Variants in PCDH7 observed in about 807,000 individuals in gnomAD.
PCDH7 encodes protocadherin 7, also known as protocadherin-7.
Under a neutral mutation model 58.9 loss-of-function variants are expected in PCDH7, and 17 were observed. That is an observed-to-expected ratio of 0.29 (90% confidence interval 0.20 to 0.43). PCDH7 has a LOEUF of 0.43. Ranked by LOEUF, PCDH7 falls within the 20% of genes least tolerant of loss-of-function variation. The pLI, the probability that PCDH7 is intolerant of heterozygous loss-of-function variation, is 1.00. For missense variants in PCDH7, 1,274 were observed against 1,441.0 expected, an observed-to-expected ratio of 0.88 and a Z score of 1.88; for synonymous variants, 664 against 616.4, an observed-to-expected ratio of 1.08 and a Z score of -1.14.
At chr4:30,843,887 G>C (rs1355743601) in intron 1 of PCDH7, among the ~76,000 whole-genome samples, 1 of 151,698 alleles carries the variant, frequency 6.6e-6, no homozygotes, top group Non-Finnish European at 1.5e-5. Context: ...TACATCCACA[G>C]TGATGATTTC....
intron 1 of PCDH7, among the ~76,000 whole-genome samples, chr4:30,850,907 C>T (rs1278154648): frequency 6.6e-6 from 1 of 152,112 alleles, no homozygotes; most frequent in Non-Finnish European, 1.5e-5. Context: ...TGGCTCCCTG[C>T]ATTTTCCTCA....
At chr4:31,099,985 A>T (rs370387468) in intron 3 of PCDH7, among the ~76,000 whole-genome samples, 184 of 141,546 alleles carry the variant, frequency 1.3e-3, no homozygotes, top group African/African-American at 4.3e-3. Flanking sequence ...GAAGGAAAGA[A>T]GGAGGAAGGG....
rs182859986 is a variant in PCDH7, at chr4:31,027,054, T to A, written c.*7+76839T>A. On this transcript the variant is annotated intron_variant, in intron 3 of 3. Coordinates refer to the PCDH7 transcript ENST00000509759. Reference sequence around the variant, plus strand: ...CAATTATAACACTAGAATCCTCTGCTGAAGTCCCACAAACTTTCGTTCATG... The same window carrying A: ...CAATTATAACACTAGAATCCTCTGCAGAAGTCCCACAAACTTTCGTTCATG... Among the ~76,000 whole-genome samples, 298 of 152,324 alleles carry A rather than the reference T, an allele frequency of 2.0e-3. 3 individuals carry two copies. The highest frequency in any genetic ancestry group is 3.4e-3 in the Non-Finnish European group (233 of 68,032).
At chr4:30,990,531 GTTTTCTTTTATATAT>G (rs1178633357) in intron 3 of PCDH7, among the ~76,000 whole-genome samples, 7 of 152,076 alleles carry the variant, frequency 4.6e-5, no homozygotes, top group Non-Finnish European at 8.8e-5. Flanking sequence ...GTTTACAGAT[GTTTTCTTTTATATAT>G]GGTACAATGT....
chr4:30,835,791 G>T lies in PCDH7; in HGVS notation c.71-84362G>T. ...CCAGAGATGATGTAATTACTAAATG[G>T]ATCCATAAATATGAATGCATGCTGA... On this transcript the variant is annotated intron_variant, in intron 1 of 3. Coordinates refer to the PCDH7 transcript ENST00000509759. Among the ~76,000 whole-genome samples, 2 of 152,114 alleles carry T rather than the reference G, an allele frequency of 1.3e-5. 1 individual carries two copies. Among genetic ancestry groups the T allele is most frequent in the East Asian group, 3.9e-4 (2 of 5,178 alleles).
At chr4:30,837,886 T>TATTA (rs1335635757) in intron 1 of PCDH7, among the ~76,000 whole-genome samples, 1 of 116,000 alleles carries the variant, frequency 8.6e-6, no homozygotes, top group African/African-American at 3.9e-5. Context: ...AATATATATT[T>TATTA]ATTATGTATA....
chr4:30,937,337 CTAGA>C (rs1745481296), intron 2 of PCDH7, among the ~76,000 whole-genome samples: 2 of 151,966 alleles, frequency 1.3e-5, no homozygotes, highest in South Asian at 4.1e-4. Context: ...TTCAAAACTG[CTAGA>C]TAATCCATTT....
rs549551849 is a variant in PCDH7, at chr4:30,722,892, G to A, written c.1470G>A (p.Ser490=). 3.7e-6 allele frequency: 6 copies of A among 1,613,786 alleles called. No homozygotes were observed. The East Asian group carries it at 1.3e-4, about 36-fold the overall frequency. The change falls in exon 1 of 2, where the codon TCG becomes TCA. Residue 490 remains serine (S), a synonymous_variant. Transcript: ENST00000361762. The surrounding 1 kb of genome is among the most constrained non-coding windows in gnomAD (Gnocchi z 7.6). Reference sequence around the variant, plus strand: ...AGAAAAAGTACTTCTTGCACACCTCGACCCCTCTGGACTATGAGGCCACCC... The same window carrying A: ...AGAAAAAGTACTTCTTGCACACCTCAACCCCTCTGGACTATGAGGCCACCC...
chr4:30,930,614 C>T (rs376816268), intron 2 of PCDH7, among the ~76,000 whole-genome samples: 3 of 151,972 alleles, frequency 2.0e-5, no homozygotes, highest in African/African-American at 4.8e-5. Flanking sequence ...TAAGTTTCAG[C>T]GAATGTGACT....
chr4:30,740,355 C>A (rs1381244602), intron 1 of PCDH7, among the ~76,000 whole-genome samples: 1 of 152,104 alleles, frequency 6.6e-6, no homozygotes, highest in Non-Finnish European at 1.5e-5. Context: ...AATAGTTTCA[C>A]CTTAAATCTT....
chr4:31,041,708 C>G (rs976056299), intron 3 of PCDH7, among the ~76,000 whole-genome samples: 4 of 152,100 alleles, frequency 2.6e-5, no homozygotes, highest in Non-Finnish European at 2.9e-5. Flanking sequence ...CTCAAACAGG[C>G]TGTTGCAATT....
chr4:30,948,468 G>T (rs568240804), intron 2 of PCDH7, among the ~76,000 whole-genome samples: 1 of 151,872 alleles, frequency 6.6e-6, no homozygotes, highest in African/African-American at 2.4e-5. Context: ...CAAAAAATTA[G>T]GTTTAATTTT....
chr4:30,746,827 A>T (rs1445538319), intron 1 of PCDH7, among the ~76,000 whole-genome samples: 1 of 151,948 alleles, frequency 6.6e-6, no homozygotes, highest in Non-Finnish European at 1.5e-5. Flanking sequence ...CAATCATTTC[A>T]CTTCTTTTAT....
chr4:30,728,629 T>C (rs1255929154), intron 1 of PCDH7, among the ~76,000 whole-genome samples: 1 of 151,800 alleles, frequency 6.6e-6, no homozygotes, highest in African/African-American at 2.4e-5. Context: ...TGATCCGCAA[T>C]GAATTTGCAA....
downstream of PCDH7, chr4:31,143,198 A>G (rs1446791520): frequency 5.6e-6 from 1 of 177,458 alleles, no homozygotes; most frequent in African/African-American, 2.4e-5. Context: ...CCTGATTAGC[A>G]GAACACAACA....
intron 1 of PCDH7, among the ~76,000 whole-genome samples, chr4:30,750,770 T>A (rs1718408752): frequency 6.6e-6 from 1 of 152,128 alleles, no homozygotes; most frequent in Non-Finnish European, 1.5e-5. Context: ...TGGTTATGAA[T>A]GGTGCCCACC....
At chr4:31,001,734 G>T (rs576640681) in intron 3 of PCDH7, among the ~76,000 whole-genome samples, 166 of 152,284 alleles carry the variant, frequency 1.1e-3, no homozygotes, top group African/African-American at 3.7e-3. Flanking sequence ...TTATGTAGAA[G>T]CTGTTTGGAA....
In PCDH7 at chr4:31,035,718, G is replaced by T. The variant is rs192149199; in HGVS notation, c.*7+85503G>T. On this transcript the variant is annotated intron_variant, in intron 3 of 3. Transcript: ENST00000509759. Reference sequence around the variant, plus strand: ...ACCATGTAATTAAGCTACAACTGATGACAAGTATCTGACATCAGATAATCA... The same window carrying T: ...ACCATGTAATTAAGCTACAACTGATTACAAGTATCTGACATCAGATAATCA... Among the ~76,000 whole-genome samples the T allele has an allele frequency of 6.6e-5, 10 of 152,296 alleles. No homozygotes were observed. In the East Asian group the frequency reaches 1.9e-3, roughly 29 times the overall value.
At chr4:30,893,219 C>CAATA (rs1157267845) in intron 1 of PCDH7, among the ~76,000 whole-genome samples, 1 of 152,000 alleles carries the variant, frequency 6.6e-6, no homozygotes, top group Non-Finnish European at 1.5e-5. Flanking sequence ...AATAAGCAGA[C>CAATA]AATATATTTC....
Sources: allele counts gnomAD v4.1 joint callset (sites outside exome capture counted in the v4.1 genomes callset), GRCh38; gene constraint gnomAD v4.1.1; non-coding constraint Gnocchi (gnomAD v3.1); transcripts MANE v1.5; gene names NCBI Gene and HGNC (gene_info 2026-07-23, HGNC 2026-07-21).